DPY19L4: variants seen among roughly 807,000 people sequenced by gnomAD.
The protein encoded by DPY19L4 is dpy-19 like 4.
In DPY19L4, 97 loss-of-function variants were observed where a neutral mutation model predicts 102.8. The observed-to-expected ratio is 0.94, with a 90% confidence interval of 0.80 to 1.12. The LOEUF (loss-of-function observed/expected upper bound fraction) is 1.12, where lower values mean the gene tolerates loss of function less well. DPY19L4 is among the 50% of genes most tolerant of loss of function. DPY19L4 has a pLI of 0.00. For missense variants in DPY19L4, 815 were observed against 850.4 expected, an observed-to-expected ratio of 0.96 and a Z score of 0.52; for synonymous variants, 252 against 283.1, an observed-to-expected ratio of 0.89 and a Z score of 1.10.
chr8:94,734,525 T>C (rs1231037051), intron 2 of DPY19L4, 105 bp from the exon 3 acceptor site: 2 of 1,158,946 alleles, frequency 1.7e-6, no homozygotes, highest in African/African-American at 1.6e-5. Context: ...TAGACTCGAG[T>C]TGTGGGTTTT....
At chr8:94,741,711 C>A (rs999013289) in intron 6 of DPY19L4, among the ~76,000 whole-genome samples, 1 of 152,190 alleles carries the variant, frequency 6.6e-6, no homozygotes, top group African/African-American at 2.4e-5. Context: ...AATTGTCACA[C>A]CCTTGGTTAA....
chr8:94,742,709 C>A (rs530833769), intron 6 of DPY19L4, among the ~76,000 whole-genome samples: 155 of 151,978 alleles, frequency 1.0e-3, no homozygotes, highest in African/African-American at 3.6e-3. Flanking sequence ...CAGGCACATG[C>A]CACAATGCCC....
chr8:94,729,296 T>TTC (rs1810829905), intron 2 of DPY19L4, among the ~76,000 whole-genome samples: 1 of 151,712 alleles, frequency 6.6e-6, no homozygotes, highest in African/African-American at 2.4e-5. Context: ...CGCTTGAACC[T>TTC]GGGAAGCGGA....
intron 8 of DPY19L4, among the ~76,000 whole-genome samples, chr8:94,764,689 G>GTGTC (rs1415377058): frequency 6.9e-5 from 3 of 43,206 alleles, no homozygotes; most frequent in African/African-American, 3.4e-4. Flanking sequence ...GTCTGTGTGT[G>GTGTC]TATATATATA....
intron 2 of DPY19L4, among the ~76,000 whole-genome samples, chr8:94,727,384 C>T (rs1039072279): frequency 1.3e-5 from 2 of 152,158 alleles, no homozygotes; most frequent in Admixed American, 1.3e-4. Context: ...CAGGCACATG[C>T]CACCACGCCT....
At position 94,790,590 on chromosome 8, in the gene DPY19L4, G is replaced by GT. The variant is rs1263952025; in HGVS notation, c.*686dup. ...TTTCTAAATGACTAGTAAGTGATTA[G>GT]TTTTTTCACTTATGCCTATTAATTT... On this transcript the variant is annotated 3_prime_UTR_variant, in exon 19 of 19. Coordinates refer to ENST00000414645, the MANE Select transcript of DPY19L4 (RefSeq NM_181787.3). 6.6e-6 allele frequency: 1 copy of GT among 151,942 alleles called. No homozygotes were observed. The highest frequency in any genetic ancestry group is 6.6e-5 in the Admixed American group (1 of 15,238). The allele number at this position is 151,942 out of a possible 1,614,324, so 9.4% of individuals were successfully genotyped here.
At chr8:94,739,867 C>CA in intron 6 of DPY19L4, 77 bp downstream of exon 6, 1 of 1,431,554 alleles carries the variant, frequency 7.0e-7, no homozygotes. Context: ...TGCCTCCCCT[C>CA]CCCAACAGTC....
chr8:94,728,583 C>A (rs1810794582), intron 2 of DPY19L4, among the ~76,000 whole-genome samples: 1 of 152,168 alleles, frequency 6.6e-6, no homozygotes, highest in Non-Finnish European at 1.5e-5. Context: ...ATCTACAAAT[C>A]TAGGTGAGGG....
intron 8 of DPY19L4, among the ~76,000 whole-genome samples, chr8:94,762,625 TGTG>T (rs1812441324): frequency 6.6e-6 from 1 of 152,078 alleles, no homozygotes; most frequent in Admixed American, 6.6e-5. Context: ...GTAAGCCAGG[TGTG>T]GTGGCACATG....
intron 2 of DPY19L4, among the ~76,000 whole-genome samples, chr8:94,730,745 CTT>C (rs533095374): frequency 8.6e-6 from 1 of 116,198 alleles, no homozygotes; most frequent in Admixed American, 8.6e-5. Context: ...AACTCTGTCT[CTT>C]TTTTTTTTTT....
chr8:94,720,124 C>T, intron 1 of DPY19L4, 110 bp downstream of exon 1: 2 of 1,388,208 alleles, frequency 1.4e-6, no homozygotes, highest in Non-Finnish European at 1.9e-6. Flanking sequence ...GTCGCGGTGG[C>T]GGCCGCGCGG....
At chr8:94,755,919 C>T in intron 6 of DPY19L4, 117 bp from the exon 7 acceptor site, 1 of 1,091,814 alleles carries the variant, frequency 9.2e-7, no homozygotes, top group East Asian at 2.7e-5. Context: ...TCTGGCTATG[C>T]CTACCTCACA....
In DPY19L4 at chr8:94,761,809, C is replaced by T. The variant is rs2130876551; in HGVS notation, c.845C>T (p.Thr282Ile). 1 of 1,608,830 alleles carries T rather than the reference C, an allele frequency of 6.2e-7. No individual in the cohort carries two copies. Among genetic ancestry groups the T allele is most frequent in the Non-Finnish European group, 8.5e-7 (1 of 1,178,090 alleles). ...LQAISLFLLD[T>I]FSVEQSDKVY... ...GCAATATCTCTATTCCTGCTAGATA[C>T]CTTTTCAGTGGAGCAAAGTGACAAG... The change falls in exon 8 of 19, where the codon ACC (threonine) becomes ATC (isoleucine). Residue 282 changes from threonine to isoleucine, a missense_variant. By Grantham distance (89) the Thr-to-Ile change is moderately conservative. Transcript: ENST00000414645.
chr8:94,764,689 GTATATATATA>G (rs1189470959), intron 8 of DPY19L4, among the ~76,000 whole-genome samples: 14 of 43,204 alleles, frequency 3.2e-4, no homozygotes, highest in East Asian at 7.4e-4. Context: ...GTCTGTGTGT[GTATATATATA>G]TATATATATA....
chr8:94,758,161 A>G lies in DPY19L4; in HGVS notation c.735+2002A>G, dbSNP rs149360519. ...CAAAATGAACTGCCTAAGTTTCTTT[A>G]TATTTATCTCTTTGTTTCTTTGAGA... On this transcript the variant is annotated intron_variant, in intron 7 of 18. Coordinates refer to ENST00000414645, the MANE Select transcript of DPY19L4 (RefSeq NM_181787.3). Among the ~76,000 whole-genome samples the G allele has an allele frequency of 3.2e-3, 494 of 152,226 alleles. 1 individual carries two copies. The highest frequency in any genetic ancestry group is 5.5e-3 in the Non-Finnish European group (371 of 68,008).
intron 12 of DPY19L4, among the ~76,000 whole-genome samples, chr8:94,769,054 G>GTTTTTTTTTTTTTTTTTTTTTT (rs1184803488): frequency 1.4e-5 from 2 of 138,382 alleles, no homozygotes; most frequent in Non-Finnish European, 3.1e-5. Flanking sequence ...TTTAAACTTA[G>GTTTTTTTTTTTTTTTTTTTTTT]TTTTTTTGTT....
intron 6 of DPY19L4, among the ~76,000 whole-genome samples, chr8:94,740,545 C>T (rs569409126): frequency 6.6e-6 from 1 of 152,088 alleles, no homozygotes; most frequent in African/African-American, 2.4e-5. Context: ...AGCTCCACCT[C>T]CCAGGTTCAC....
chr8:94,739,823 C>T (rs371360285), intron 6 of DPY19L4, 33 bp downstream of exon 6: 1 of 1,607,430 alleles, frequency 6.2e-7, no homozygotes, highest in African/African-American at 1.3e-5. Flanking sequence ...TTTTTAAAAA[C>T]TTTTTGTGGC....
In DPY19L4 at chr8:94,768,456, T is replaced by C. The variant is rs746960975; in HGVS notation, c.1237T>C (p.Phe413Leu). Residue 413 changes from phenylalanine to leucine, a missense_variant, in exon 12 of 19, where the codon TTT becomes CTT. By Grantham distance (22) the Phe-to-Leu change is conservative. Coordinates refer to ENST00000414645, the MANE Select transcript of DPY19L4 (RefSeq NM_181787.3). The part of the protein sequence containing the change: ...ESLQAPSQDF[F>L]LRLTQSSLLP... ...CCTGCAGGCACCATCTCAAGATTTT[T>C]TTCTGCGATTGACACAGTCTTCTTT... 4 of 1,609,218 alleles carry C rather than the reference T, an allele frequency of 2.5e-6. No individual in the cohort carries two copies. The Admixed American group carries it at 5.1e-5, about 20-fold the overall frequency.
Sources: gnomAD v4.1 joint callset for allele counts (sites outside exome capture counted in the v4.1 genomes callset) on GRCh38, gnomAD v4.1.1 for gene constraint, MANE v1.5 for transcripts, NCBI Gene and HGNC (gene_info 2026-07-23, HGNC 2026-07-21) for gene names.